HHAT: variants seen among roughly 807,000 people sequenced by gnomAD.
The protein encoded by HHAT is protein-cysteine N-palmitoyltransferase HHAT.
A neutral mutation model predicts 70.8 loss-of-function variants in HHAT; 47 were observed. The observed-to-expected ratio is 0.66, with a 90% CI of 0.53 to 0.85. The LOEUF (loss-of-function observed/expected upper bound fraction) is 0.85. Ranked by LOEUF, HHAT falls within the 40% of genes least tolerant of loss-of-function variation. The probability of loss-of-function intolerance (pLI) is 0.00; values close to 1 mark genes in which losing one functional copy is unlikely to be tolerated. For missense variants in HHAT, 609 were observed against 604.8 expected (o/e 1.01, Z -0.07); for synonymous variants, 228 against 247.6 (o/e 0.92, Z 0.74).
chr1:210,588,681 G>C (rs1035354298), intron 10 of HHAT: 1 of 152,314 alleles, frequency 6.6e-6, no homozygotes, highest in South Asian at 2.1e-4. Flanking sequence ...GAAATTTCCA[G>C]GTTCAAGGTT....
At chr1:210,469,347 A>T (rs557655523) in intron 8 of HHAT, among the ~76,000 whole-genome samples, 28 of 152,210 alleles carry the variant, frequency 1.8e-4, no homozygotes, top group Non-Finnish European at 3.8e-4. Flanking sequence ...TCACTAGATG[A>T]TGCCTGTGTT....
Position 210,616,642 on chromosome 1 carries a change from G to A in HHAT, c.1246-6884G>A, listed in dbSNP as rs1007630109. On this transcript the variant is annotated intron_variant, in intron 10 of 11. Transcript: ENST00000261458. Reference sequence around the variant, plus strand: ...ATGGCACTCAAGAGGCAAAGATCTTGAAGGTTGCAGTTGAGAGAAGGGAAT... The same window carrying A: ...ATGGCACTCAAGAGGCAAAGATCTTAAAGGTTGCAGTTGAGAGAAGGGAAT... Among the ~76,000 whole-genome samples, 12 of 152,198 alleles carry A rather than the reference G, an allele frequency of 7.9e-5. No homozygotes were observed. The South Asian group carries it at 2.5e-3, about 32-fold the overall frequency.
chr1:210,506,466 G>C (rs116494490), intron 8 of HHAT, among the ~76,000 whole-genome samples: 1 of 152,144 alleles, frequency 6.6e-6, no homozygotes, highest in African/African-American at 2.4e-5. Flanking sequence ...AGCAAAACTT[G>C]CATATCATAC....
chr1:210,592,879 C>CT (rs35245794), intron 10 of HHAT, among the ~76,000 whole-genome samples: 104,549 of 145,432 alleles, frequency 0.72, 39,248 homozygotes, highest in East Asian at 0.92. Flanking sequence ...ACCAACTTTT[C>CT]TTTTTTTTTT....
intron 9 of HHAT, among the ~76,000 whole-genome samples, chr1:210,577,981 T>G (rs1658300456): frequency 2.0e-5 from 3 of 151,976 alleles, no homozygotes; most frequent in Non-Finnish European, 4.4e-5. Context: ...TTGTCTGGCT[T>G]TGGTATAGGG....
chr1:210,625,057 G>A (rs1470866697), intron 11 of HHAT, among the ~76,000 whole-genome samples: 1 of 152,180 alleles, frequency 6.6e-6, no homozygotes, highest in Non-Finnish European at 1.5e-5. Flanking sequence ...GCAGCCTTGG[G>A]TGAGCCAGGC....
chr1:210,555,741 G>A (rs926751024), intron 9 of HHAT, among the ~76,000 whole-genome samples: 3 of 152,144 alleles, frequency 2.0e-5, no homozygotes, highest in Non-Finnish European at 4.4e-5. Flanking sequence ...ACAGACATCC[G>A]GGACAGAAAT....
intron 2 of HHAT, among the ~76,000 whole-genome samples, chr1:210,357,316 T>G (rs1002698454): frequency 2.6e-5 from 4 of 152,166 alleles, no homozygotes; most frequent in Non-Finnish European, 5.9e-5. Context: ...CTCCCAACCT[T>G]TCTCCCCTGA....
intron 7 of HHAT, among the ~76,000 whole-genome samples, chr1:210,454,099 C>T (rs1272585653): frequency 6.6e-6 from 1 of 152,122 alleles, no homozygotes; most frequent in Non-Finnish European, 1.5e-5. Flanking sequence ...AAAGACTGGC[C>T]CCCGTGATTC....
chr1:210,567,729 C>T (rs1348575469), intron 9 of HHAT, among the ~76,000 whole-genome samples: 2 of 152,074 alleles, frequency 1.3e-5, no homozygotes, highest in Non-Finnish European at 2.9e-5. Context: ...GATGCTGTGG[C>T]CCAGCATAGG....
chr1:210,400,637 G>A lies in HHAT; in HGVS notation c.443G>A (p.Arg148Lys), dbSNP rs2092020409. The A allele has an allele frequency of 6.2e-7, 1 of 1,613,616 alleles. No homozygotes were observed. Among genetic ancestry groups the A allele is most frequent in the South Asian group, 1.1e-5 (1 of 90,920 alleles). The part of the protein sequence containing the change: ...LCSLLLLSTL[R>K]LQGVEEVKRR... ...TCTCTCCTCCTCCTCTCCACACTGA[G>A]GCTGCAGGGTGTGGAAGAAGTTAAG... Residue 148 changes from arginine (R) to lysine (K), a missense_variant, in exon 5 of 12, where the codon AGG becomes AAG. Physicochemically the swap from Arg to Lys is conservative, Grantham distance 26. Transcript: ENST00000261458.
chr1:210,340,242 G>GGGGGAAAA (rs1553313987), intron 1 of HHAT, among the ~76,000 whole-genome samples: 7 of 99,782 alleles, frequency 7.0e-5, no homozygotes, highest in African/African-American at 2.4e-4. Context: ...CTCTGTCTCA[G>GGGGGAAAA]AAAAAAAAAA....
intron 8 of HHAT, among the ~76,000 whole-genome samples, chr1:210,474,243 G>T (rs1379644816): frequency 6.6e-6 from 1 of 152,156 alleles, no homozygotes; most frequent in Non-Finnish European, 1.5e-5. Context: ...CTAAGTGAAA[G>T]AATGCATGAT....
chr1:210,639,723 G>T (rs1207681765), intron 11 of HHAT, among the ~76,000 whole-genome samples: 2 of 152,162 alleles, frequency 1.3e-5, no homozygotes, highest in Admixed American at 6.5e-5. Context: ...TGATTTCAAG[G>T]TTGACCTGGT....
intron 9 of HHAT, among the ~76,000 whole-genome samples, chr1:210,578,582 G>A (rs35922114): frequency 0.21 from 31,749 of 152,036 alleles, 3,644 homozygotes; most frequent in South Asian, 0.35. Context: ...AATATCTATT[G>A]ATACATGAAT....
chr1:210,649,686 A>G lies in HHAT; in HGVS notation c.1391-24602A>G, dbSNP rs143642698. 3.8e-4 allele frequency among the ~76,000 whole-genome samples: 58 copies of G among 152,230 alleles called. 2 individuals carry two copies. The South Asian group carries it at 5.8e-3, about 15-fold the overall frequency. On this transcript the variant is annotated intron_variant, in intron 11 of 11. Transcript: ENST00000261458. ...CCTTGACCTGTCCTATGTGTTGTCA[A>G]CTCTCATGTCCCACTTACGGGTAAT...
chr1:210,445,990 A>T (rs1572494241), intron 7 of HHAT, among the ~76,000 whole-genome samples: 1 of 152,014 alleles, frequency 6.6e-6, no homozygotes, highest in Admixed American at 6.6e-5. Flanking sequence ...TCATCATTTA[A>T]CATTAGATAT....
chr1:210,621,509 C>G (rs1377441471), intron 10 of HHAT, among the ~76,000 whole-genome samples: 1 of 152,194 alleles, frequency 6.6e-6, no homozygotes, highest in African/African-American at 2.4e-5. Flanking sequence ...CCCTGCCTCC[C>G]TAGTTACTGC....
intron 10 of HHAT, among the ~76,000 whole-genome samples, chr1:210,602,634 C>G (rs1009771091): frequency 6.6e-6 from 1 of 152,158 alleles, no homozygotes; most frequent in Non-Finnish European, 1.5e-5. Flanking sequence ...ACCACTTAAC[C>G]AAACAGGAGA....
Sources: gnomAD v4.1 joint callset for allele counts (sites outside exome capture counted in the v4.1 genomes callset) on GRCh38, gnomAD v4.1.1 for gene constraint, MANE v1.5 for transcripts, NCBI Gene and HGNC (gene_info 2026-07-23, HGNC 2026-07-21) for gene names.